The following FBH1 variants were observed in gnomAD, a reference collection of about 807,000 sequenced individuals.
The protein encoded by FBH1 is F-box DNA helicase 1, also known as DNA 3'-5' helicase 1.
In FBH1, 43 loss-of-function variants were observed where a neutral mutation model predicts 115.5. The ratio of observed to expected loss-of-function variants is 0.37; its 90% CI spans 0.29 to 0.48. The LOEUF is 0.48. Ranked by LOEUF, FBH1 falls within the 20% of genes least tolerant of loss-of-function variation. The probability of loss-of-function intolerance (pLI) is 0.99; values close to 1 mark genes in which losing one functional copy is unlikely to be tolerated. For synonymous variants in FBH1, 524 were observed against 507.8 expected, an observed-to-expected ratio of 1.03 and a Z score of -0.43; for missense variants, 1,001 against 1,337.3, an observed-to-expected ratio of 0.75 and a Z score of 3.92.
chr10:5,906,794 C>T lies in FBH1; in HGVS notation c.753+162C>T, dbSNP rs1248682603. Among the ~76,000 whole-genome samples the T allele has an allele frequency of 6.6e-6, 1 of 152,164 alleles. No individual in the cohort carries two copies. Among genetic ancestry groups the T allele is most frequent in the Non-Finnish European group, 1.5e-5 (1 of 68,032 alleles). ...TTAAGGCCTTCCGTGTCTGCCCCAC[C>T]CTATGACTCTAGCCTCTTTGTTCAC... On this transcript the variant is annotated intron_variant, in intron 3 of 20. Coordinates refer to ENST00000362091, the MANE Select transcript of FBH1 (RefSeq NM_178150.3). This position sits in a 1 kb window ranked among gnomAD's most constrained non-coding sequence, Gnocchi z 7.3.
chr10:5,898,459 G>T (rs1157705499), intron 1 of FBH1, among the ~76,000 whole-genome samples: 1 of 149,616 alleles, frequency 6.7e-6, no homozygotes, highest in Non-Finnish European at 1.5e-5. Flanking sequence ...TGTCCAGGCT[G>T]GAGTGCAGTG....
Position 5,906,680 on chromosome 10 carries a change from CTT to C in FBH1, c.753+50_753+51del. On this transcript the variant is annotated intron_variant, in intron 3 of 20. Coordinates refer to ENST00000362091, the MANE Select transcript of FBH1 (RefSeq NM_178150.3). This position sits in a 1 kb window ranked among gnomAD's most constrained non-coding sequence, Gnocchi z 7.3. The stretch of plus-strand genomic sequence containing the variant: ...AGATGTTTCCTCTAAAAGCACGTAA[CTT>C]TGCTTAATGCACGCTTATAATCAGA... The C allele has an allele frequency of 2.0e-6, 3 of 1,469,230 alleles. No individual in the cohort carries two copies. Among genetic ancestry groups the C allele is most frequent in the Non-Finnish European group, 2.8e-6 (3 of 1,079,910 alleles). 91.0% of individuals were successfully genotyped at this position (1,469,230 alleles called of 1,614,324 possible).
At chr10:5,922,267 AAAAG>A (rs1201445840) in intron 15 of FBH1, among the ~76,000 whole-genome samples, 1 of 152,246 alleles carries the variant, frequency 6.6e-6, no homozygotes, top group African/African-American at 2.4e-5. Flanking sequence ...GGAACCTAAA[AAAAG>A]AACACATAAT....
chr10:5,892,742 T>C (rs2131817253), intron 1 of FBH1, among the ~76,000 whole-genome samples: 1 of 152,382 alleles, frequency 6.6e-6, no homozygotes, highest in South Asian at 2.1e-4. Flanking sequence ...ACATGGTTAA[T>C]GACATTAACA....
chr10:5,930,931 TG>T (rs1317762698), intron 19 of FBH1, among the ~76,000 whole-genome samples: 1 of 152,060 alleles, frequency 6.6e-6, no homozygotes, highest in African/African-American at 2.4e-5. Context: ...TTTTTTGTTT[TG>T]TTTTTTTGTA....
At position 5,927,090 on chromosome 10, in the gene FBH1, G is replaced by A. The variant is rs139151632; in HGVS notation, c.2723-345G>A. Among the ~76,000 whole-genome samples, 703 of 152,306 alleles carry A rather than the reference G, an allele frequency of 4.6e-3. 6 individuals are homozygous for A. The highest frequency in any genetic ancestry group is 0.016 in the African/African-American group (659 of 41,570). On this transcript the variant is annotated intron_variant, in intron 18 of 20. Transcript: ENST00000362091. ...TGTGGGAGTGACTTAACCTGTCTAAGCCTCGGTTTCCCCGTCTGTCTCACG... is the reference window on the plus strand; with the variant it reads ...TGTGGGAGTGACTTAACCTGTCTAAACCTCGGTTTCCCCGTCTGTCTCACG...
chr10:5,894,952 T>G lies in FBH1; in HGVS notation c.1+4606T>G, dbSNP rs1018654817. 3.5e-6 allele frequency: 5 copies of G among 1,438,100 alleles called. No homozygotes were observed. In the African/African-American group the frequency reaches 7.1e-5, roughly 20 times the overall value. 89.1% of individuals were successfully genotyped at this position (1,438,100 alleles called of 1,614,324 possible). ...AGTATCTCGGGTGTACAGGGCGGTT[T>G]TATTCCTGCGAAGTGCTTCCTGGCT... On this transcript the variant is annotated intron_variant, in intron 1 of 20. Coordinates refer to ENST00000362091, the MANE Select transcript of FBH1 (RefSeq NM_178150.3).
rs761666628 is a variant in FBH1, at chr10:5,911,065, C to A, written c.1148C>A (p.Thr383Asn). Residue 383 changes from threonine (T) to asparagine (N), a missense_variant, in exon 6 of 21, where the codon ACC becomes AAC. Coordinates refer to ENST00000362091, the MANE Select transcript of FBH1 (RefSeq NM_178150.3). The surrounding 1 kb of genome is among the most constrained non-coding windows in gnomAD (Gnocchi z 5.4). Reference sequence around the variant, plus strand: ...GTGACCATGCCAGATGTCACCGAGACCCTGTACTGCATAGCCGTGCTTCTC... The same window carrying A: ...GTGACCATGCCAGATGTCACCGAGAACCTGTACTGCATAGCCGTGCTTCTC... ...STVTMPDVTE[T>N]LYCIAVLLYA... 9.3e-6 allele frequency: 15 copies of A among 1,613,518 alleles called. No homozygotes were observed. The highest frequency in any genetic ancestry group is 1.2e-5 in the Non-Finnish European group (14 of 1,180,032).
chr10:5,894,643 A>G, intron 1 of FBH1: 1 of 710,208 alleles, frequency 1.4e-6, no homozygotes, highest in Non-Finnish European at 2.6e-6. Context: ...GAGAGCTTCA[A>G]AGCCAAGGAA....
Position 5,918,663 on chromosome 10 carries a change from C to T in FBH1, c.2100+185C>T, listed in dbSNP as rs1421702653. ...ACTGTTTTCATAAGAGGTGTGTGCA[C>T]AGCGGTCGTCTGAGGAAGAGCTGCT... On this transcript the variant is annotated intron_variant, in intron 13 of 20. Coordinates refer to ENST00000362091, the MANE Select transcript of FBH1 (RefSeq NM_178150.3). This position sits in a 1 kb window ranked among gnomAD's most constrained non-coding sequence, Gnocchi z 4.0. Among the ~76,000 whole-genome samples the T allele has an allele frequency of 6.6e-6, 1 of 152,198 alleles. No individual in the cohort carries two copies. The highest frequency in any genetic ancestry group is 6.5e-5 in the Admixed American group (1 of 15,280).
In FBH1 at chr10:5,926,110, C is replaced by A. The variant is rs541975280; in HGVS notation, c.2722+618C>A. On this transcript the variant is annotated intron_variant, in intron 18 of 20. Coordinates refer to ENST00000362091, the MANE Select transcript of FBH1 (RefSeq NM_178150.3). ...TGTTGTTGTTATTATTATTCTTATT[C>A]TTATTCTTCTTATTATTATTATTAT... Among the ~76,000 whole-genome samples, 325 of 127,602 alleles carry A rather than the reference C, an allele frequency of 2.5e-3. 1 individual carries two copies. Among genetic ancestry groups the A allele is most frequent in the East Asian group, 0.017 (53 of 3,146 alleles). The allele number at this position is 127,602 out of a possible 152,430, so 83.7% of individuals were successfully genotyped here. A position where few individuals can be genotyped will look rare whatever the true frequency, so the allele number is the denominator to read the frequency against.
Position 5,903,081 on chromosome 10 carries a change from C to G in FBH1, c.63C>G (p.His21Gln). ...AIDCQHLARS[H>Q]LAVTQPFGQR... ...ACTGCCAGCATTTGGCTCGGAGTCA[C>G]TTGGCTGTGACCCAGCCCTTCGGTC... Residue 21 changes from histidine to glutamine, a missense_variant, in exon 2 of 21, where the codon CAC (histidine) becomes CAG (glutamine). Physicochemically the swap from His to Gln is conservative, Grantham distance 24 (BLOSUM62 0). Coordinates refer to ENST00000362091, the MANE Select transcript of FBH1 (RefSeq NM_178150.3). 1 of 1,613,908 alleles carries G rather than the reference C, an allele frequency of 6.2e-7. No homozygotes were observed. The highest frequency in any genetic ancestry group is 8.5e-7 in the Non-Finnish European group (1 of 1,179,888).
chr10:5,901,556 T>TTTTTTC (rs1843347404), intron 1 of FBH1, among the ~76,000 whole-genome samples: 4 of 151,774 alleles, frequency 2.6e-5, no homozygotes, highest in African/African-American at 4.8e-5. Flanking sequence ...TTTAATTCTT[T>TTTTTTC]TTTTTCTTTT....
chr10:5,890,467 G>T, intron 1 of FBH1, 121 bp downstream of exon 1: 1 of 320,984 alleles, frequency 3.1e-6, no homozygotes, highest in East Asian at 5.2e-5. Context: ...GGCCCCGGGG[G>T]CGCGAGGCTG....
At position 5,917,639 on chromosome 10, in the gene FBH1, C is replaced by T. The variant is rs11553630; in HGVS notation, c.1926C>T (p.Asp642=). The T allele has an allele frequency of 0.035, 57,289 of 1,613,940 alleles. 1,127 individuals carry two copies. Among genetic ancestry groups the T allele is most frequent in the Non-Finnish European group, 0.042 (50,016 of 1,179,902 alleles). ...QLSKPSLASF[D]AIFVDEAQDC... ...GCAAGCCTTCGCTGGCCTCTTTTGA[C>T]GCCATCTTTGTGGATGAGGCCCAGG... Residue 642 remains aspartate, a synonymous_variant, in exon 12 of 21, where the codon GAC becomes GAT. Coordinates refer to ENST00000362091, the MANE Select transcript of FBH1 (RefSeq NM_178150.3). This position sits in a 1 kb window ranked among gnomAD's most constrained non-coding sequence, Gnocchi z 5.6.
chr10:5,910,300 A>T lies in FBH1; in HGVS notation c.1021-638A>T, dbSNP rs2131957243. The stretch of plus-strand genomic sequence containing the variant: ...TTGTCTCAAAAAAAAAAAAAGATGA[A>T]GATCTGTGTCCACTATTGACTGTTT... On this transcript the variant is annotated intron_variant, in intron 5 of 20. Transcript: ENST00000362091. The surrounding 1 kb of genome is among the most constrained non-coding windows in gnomAD (Gnocchi z 4.8). Among the ~76,000 whole-genome samples, 1 of 152,250 alleles carries T rather than the reference A, an allele frequency of 6.6e-6. No homozygotes were observed. The highest frequency in any genetic ancestry group is 2.4e-5 in the African/African-American group (1 of 41,532).
At chr10:5,899,167 T>C (rs12785055) in intron 1 of FBH1, among the ~76,000 whole-genome samples, 44,087 of 152,076 alleles carry the variant, frequency 0.29, 6,953 homozygotes, top group Non-Finnish European at 0.35. Context: ...TTCTCACTGG[T>C]TATGTGCCTT....
Position 5,895,129 on chromosome 10 carries a change from C to G in FBH1, c.1+4783C>G. The G allele has an allele frequency of 6.2e-7, 1 of 1,614,014 alleles. No individual in the cohort carries two copies. Among genetic ancestry groups the G allele is most frequent in the Non-Finnish European group, 8.5e-7 (1 of 1,179,924 alleles). ...ATTGCGCAGGGCCCCTGGGCCATCTCCACAGGAGATGCCAGAGGACGAGTG... is the reference window on the plus strand; with the variant it reads ...ATTGCGCAGGGCCCCTGGGCCATCTGCACAGGAGATGCCAGAGGACGAGTG... On this transcript the variant is annotated intron_variant, in intron 1 of 20. Transcript: ENST00000362091. The surrounding 1 kb of genome is among the most constrained non-coding windows in gnomAD (Gnocchi z 5.0).
In FBH1 at chr10:5,917,441, C is replaced by T. The variant is rs1248867753; in HGVS notation, c.1810C>T (p.Arg604Cys). 4 of 1,614,164 alleles carry T rather than the reference C, an allele frequency of 2.5e-6. No individual in the cohort carries two copies. Among genetic ancestry groups the T allele is most frequent in the Admixed American group, 1.7e-5 (1 of 60,030 alleles). ...CTAGAATGGTGTCCTTGAAGCGAGC[C>T]GCCTCTGGGATAACATGCGGAAGCT... ...EKLNGVLEAS[R>C]LWDNMRKLGE... Residue 604 changes from arginine to cysteine, a missense_variant, in exon 11 of 21, where the codon CGC becomes TGC. Arg to Cys is a radical substitution (Grantham distance 180, BLOSUM62 -3). Around this residue, in one of 4 missense-constraint regions of FBH1, gnomAD observed 521 missense variants for 811.0 expected, o/e 0.64. Coordinates refer to ENST00000362091, the MANE Select transcript of FBH1 (RefSeq NM_178150.3). This position sits in a 1 kb window ranked among gnomAD's most constrained non-coding sequence, Gnocchi z 5.6.
Sources: gnomAD v4.1 joint callset for allele counts (sites outside exome capture counted in the v4.1 genomes callset) on GRCh38, gnomAD v4.1.1 for gene constraint, gnomAD v4.1.1 regional missense constraint, Gnocchi (gnomAD v3.1) non-coding constraint, MANE v1.5 for transcripts, NCBI Gene and HGNC (gene_info 2026-07-23, HGNC 2026-07-21) for gene names.